SGCE: variants seen among roughly 807,000 people sequenced by gnomAD.
SGCE encodes epsilon-sarcoglycan.
A neutral mutation model predicts 57.8 loss-of-function variants in SGCE; 26 were observed. The ratio of observed to expected loss-of-function variants is 0.45; its 90% CI spans 0.33 to 0.62. The LOEUF (loss-of-function observed/expected upper bound fraction) is 0.62. Ranked by LOEUF, SGCE falls within the 20% of genes least tolerant of loss-of-function variation. The pLI is 0.02. For synonymous variants in SGCE, 183 were observed against 189.5 expected (o/e 0.97, Z 0.28); for missense variants, 468 against 548.6 (o/e 0.85, Z 1.47).
intron 1 of SGCE, among the ~76,000 whole-genome samples, chr7:94,645,886 A>T (rs1198649551): frequency 6.6e-6 from 1 of 152,216 alleles, no homozygotes; most frequent in African/African-American, 2.4e-5. Flanking sequence ...TTTTAAAAAT[A>T]TATCTTCAAA....
intron 10 of SGCE, chr7:94,587,695 AAAGC>A (rs1448210308): frequency 2.7e-5 from 42 of 1,532,370 alleles, no homozygotes; most frequent in Middle Eastern, 2.2e-4. Context: ...GCATTTAATT[AAAGC>A]AAGTAATCAA....
intron 10 of SGCE, chr7:94,586,900 A>G: frequency 4.1e-6 from 4 of 984,840 alleles, no homozygotes; most frequent in Non-Finnish European, 4.8e-6. Flanking sequence ...GGCACTTAAG[A>G]TATTTTGGGG....
At chr7:94,627,965 A>AT (rs1425290840) in intron 3 of SGCE, 1 of 494,414 alleles carries the variant, frequency 2.0e-6, no homozygotes. Flanking sequence ...TTAAGGTCAT[A>AT]TTTTTTTCAC....
At position 94,600,797 on chromosome 7, in the gene SGCE, G is replaced by A. The variant is rs375828258; in HGVS notation, c.886C>T (p.Pro296Ser). Residue 296 changes from proline (P) to serine (S), a missense_variant, in exon 7 of 11, where the codon CCT becomes TCT. By Grantham distance (74) the Pro-to-Ser change is moderately conservative. Coordinates refer to ENST00000648936, the MANE Select transcript of SGCE (RefSeq NM_003919.3). Reference sequence around the variant, plus strand: ...GGGGGTTTGTATTCTCCACCATCAGGTAAAATCCCCTCTCCACGAATCACT... The same window carrying A: ...GGGGGTTTGTATTCTCCACCATCAGATAAAATCCCCTCTCCACGAATCACT... ...QEVIRGEGIL[P>S]DGGEYKPPSD... 2.5e-6 allele frequency: 4 copies of A among 1,613,202 alleles called. No homozygotes were observed. In the African/African-American group the frequency reaches 4.0e-5, roughly 16 times the overall value.
At chr7:94,638,727 C>T (rs915593475) in intron 1 of SGCE, among the ~76,000 whole-genome samples, 4 of 151,778 alleles carry the variant, frequency 2.6e-5, no homozygotes, top group African/African-American at 7.3e-5. Context: ...TTAAGTAATG[C>T]CTTTTCTCCA....
intron 1 of SGCE, among the ~76,000 whole-genome samples, chr7:94,653,485 C>T (rs969807979): frequency 6.6e-6 from 1 of 151,960 alleles, no homozygotes; most frequent in Non-Finnish European, 1.5e-5. Flanking sequence ...CTGAGAAAAT[C>T]CAAAATTCAC....
chr7:94,628,134 C>T, intron 3 of SGCE, 68 bp downstream of exon 3: 1 of 1,075,516 alleles, frequency 9.3e-7, no homozygotes, highest in Non-Finnish European at 1.3e-6. Flanking sequence ...ACTCAAATTA[C>T]AATACACACA....
At chr7:94,591,877 T>C (rs141156213) in intron 9 of SGCE, among the ~76,000 whole-genome samples, 4 of 152,302 alleles carry the variant, frequency 2.6e-5, no homozygotes, top group Admixed American at 6.5e-5. Flanking sequence ...GTGTGTCTTA[T>C]ATTGATTTAG....
At chr7:94,607,251 A>T (rs1020494484) in intron 5 of SGCE, among the ~76,000 whole-genome samples, 32 of 152,182 alleles carry the variant, frequency 2.1e-4, no homozygotes, top group African/African-American at 7.7e-4. Context: ...ACTCTCTACA[A>T]TATTTCTCAG....
intron 1 of SGCE, among the ~76,000 whole-genome samples, chr7:94,648,376 C>CAAAAAAA (rs71123907): frequency 1.5e-3 from 95 of 65,080 alleles, no homozygotes; most frequent in African/African-American, 5.7e-3. Context: ...ACTCTGTCTC[C>CAAAAAAA]AAAAAAAAAA....
intron 9 of SGCE, among the ~76,000 whole-genome samples, chr7:94,592,379 C>T (rs982966520): frequency 1.3e-5 from 2 of 151,978 alleles, no homozygotes; most frequent in African/African-American, 4.8e-5. Flanking sequence ...TATACAGGAG[C>T]GGGGGGTCGA....
At chr7:94,625,860 T>C (rs1803640848) in intron 3 of SGCE, 1 of 152,110 alleles carries the variant, frequency 6.6e-6, no homozygotes, top group Non-Finnish European at 1.5e-5. Context: ...TGAGCATGAT[T>C]GTACCTGCCT....
At chr7:94,588,269 TC>T in intron 10 of SGCE, 2 of 1,044,272 alleles carry the variant, frequency 1.9e-6, no homozygotes, top group Non-Finnish European at 2.3e-6. Context: ...TTCTCATTTA[TC>T]CCCCTGAAGC....
In SGCE at chr7:94,645,142, C is replaced by A. The variant is rs115949962; in HGVS notation, c.109+10848G>T. ...TTGACTGCAAAGTCTATGTCATGAA[C>A]ACATCAATACTACCCCCAAATACAG... On this transcript the variant is annotated intron_variant, in intron 1 of 10. Transcript: ENST00000648936. 5.5e-3 allele frequency among the ~76,000 whole-genome samples: 830 copies of A among 152,282 alleles called. 10 individuals carry two copies. Among genetic ancestry groups the A allele is most frequent in the African/African-American group, 0.019 (783 of 41,558 alleles).
At chr7:94,627,908 G>C (rs1026695623) in intron 3 of SGCE, 1 of 338,948 alleles carries the variant, frequency 3.0e-6, no homozygotes, top group Non-Finnish European at 5.5e-6. Context: ...AGTCTATCAA[G>C]TCTACAATTA....
intron 1 of SGCE, chr7:94,641,095 G>A (rs941350527): frequency 2.0e-5 from 3 of 152,304 alleles, no homozygotes; most frequent in Non-Finnish European, 1.5e-5. Context: ...CAGTCACAGA[G>A]GTTGAAAAAT....
chr7:94,615,588 GCAGA>G (rs781324959), intron 5 of SGCE, among the ~76,000 whole-genome samples: 3 of 152,082 alleles, frequency 2.0e-5, no homozygotes, highest in African/African-American at 4.8e-5. Flanking sequence ...ACAGCAAAAA[GCAGA>G]CAATCAGTGG....
At chr7:94,599,117 A>T in intron 8 of SGCE, 154 bp from the exon 9 acceptor site, 1 of 598,634 alleles carries the variant, frequency 1.7e-6, no homozygotes, top group Non-Finnish European at 2.9e-6. Flanking sequence ...AGAAAGGCAT[A>T]CATCTCACAT....
chr7:94,608,120 G>T (rs1282546760), intron 5 of SGCE, among the ~76,000 whole-genome samples: 1 of 152,140 alleles, frequency 6.6e-6, no homozygotes, highest in African/African-American at 2.4e-5. Context: ...GAGGCAGGTG[G>T]GTCACCTGAG....
Sources: gnomAD v4.1 joint callset for allele counts (sites outside exome capture counted in the v4.1 genomes callset) on GRCh38, gnomAD v4.1.1 for gene constraint, MANE v1.5 for transcripts, NCBI Gene and HGNC (gene_info 2026-07-23, HGNC 2026-07-21) for gene names.